The following NSD3 variants were observed in gnomAD, a reference collection of about 807,000 sequenced individuals.
The protein encoded by NSD3 is nuclear receptor binding SET domain protein 3, also known as histone-lysine N-methyltransferase NSD3.
A neutral mutation model predicts 160.8 loss-of-function variants in NSD3; 24 were observed. That is an observed-to-expected ratio of 0.15 (90% CI 0.11 to 0.21). The LOEUF (loss-of-function observed/expected upper bound fraction) is 0.21. NSD3 is among the 10% of genes least tolerant of loss of function. The probability of loss-of-function intolerance (pLI) is 1.00; values close to 1 mark genes in which losing one functional copy is unlikely to be tolerated. For synonymous variants in NSD3, 520 were observed against 600.0 expected, an observed-to-expected ratio of 0.87 and a Z score of 1.95; for missense variants, 1,157 against 1,735.9, an observed-to-expected ratio of 0.67 and a Z score of 5.93.
chr8:38,361,304 A>G (rs1347649927), intron 1 of NSD3, among the ~76,000 whole-genome samples: 1 of 140,040 alleles, frequency 7.1e-6, no homozygotes, highest in Non-Finnish European at 1.5e-5. Context: ...TAATTTTGCT[A>G]TTTTTAGCAC....
At chr8:38,300,806 C>A (rs1384651444) in intron 14 of NSD3, among the ~76,000 whole-genome samples, 1 of 152,118 alleles carries the variant, frequency 6.6e-6, no homozygotes, top group African/African-American at 2.4e-5. Flanking sequence ...ATACAAATTA[C>A]GGCAGCAGTT....
chr8:38,342,626 G>T (rs1810402569), intron 2 of NSD3, among the ~76,000 whole-genome samples: 1 of 151,710 alleles, frequency 6.6e-6, no homozygotes, highest in Non-Finnish European at 1.5e-5. Context: ...GGAGTACAGT[G>T]GCATGATCTC....
intron 2 of NSD3, among the ~76,000 whole-genome samples, chr8:38,339,888 T>C (rs966591858): frequency 4.6e-5 from 7 of 152,196 alleles, no homozygotes; most frequent in South Asian, 2.1e-4. Flanking sequence ...AGCAGAGGAA[T>C]GGTAACTACA....
Position 38,310,529 on chromosome 8 carries a change from G to C in NSD3, c.2242+4118C>G, listed in dbSNP as rs118145554. On this transcript the variant is annotated intron_variant, in intron 12 of 23. Transcript: ENST00000317025. ...TGTTGGAGTCCTTTTTTTTTTGAGA[G>C]AGAGTCTCACTCTGGTTGCCCAGGC... Among the ~76,000 whole-genome samples the C allele has an allele frequency of 5.7e-3, 858 of 151,188 alleles. 8 individuals are homozygous for C. Among genetic ancestry groups the C allele is most frequent in the Non-Finnish European group, 9.8e-3 (666 of 67,754 alleles).
chr8:38,292,049 TAAATC>T lies in NSD3; in HGVS notation c.2916-1377_2916-1373del, dbSNP rs200121338. Among the ~76,000 whole-genome samples the T allele has an allele frequency of 1.2e-3, 180 of 152,324 alleles. 1 individual carries two copies. The East Asian group carries it at 0.023, about 20-fold the overall frequency. ...TATAATTAAAATTTAAGTGTTAAAA[TAAATC>T]AAAGACATTTTTATATCCATAACTT... On this transcript the variant is annotated intron_variant, in intron 16 of 23. Coordinates refer to ENST00000317025, the MANE Select transcript of NSD3 (RefSeq NM_023034.2).
At chr8:38,355,331 CA>C (rs2150387700) in intron 1 of NSD3, among the ~76,000 whole-genome samples, 1 of 151,870 alleles carries the variant, frequency 6.6e-6, no homozygotes, top group South Asian at 2.1e-4. Context: ...CAGTGCCTGG[CA>C]TACAGTTAGA....
At chr8:38,334,963 T>C (rs942961984) in intron 4 of NSD3, among the ~76,000 whole-genome samples, 2 of 151,160 alleles carry the variant, frequency 1.3e-5, no homozygotes, top group African/African-American at 2.4e-5. Context: ...GGAAACTGCC[T>C]GGGGGTACCA....
At chr8:38,371,434 G>A (rs901936305) in intron 1 of NSD3, among the ~76,000 whole-genome samples, 10 of 152,216 alleles carry the variant, frequency 6.6e-5, no homozygotes, top group African/African-American at 2.2e-4. Flanking sequence ...CATACACAAA[G>A]CCACATTACC....
intron 12 of NSD3, among the ~76,000 whole-genome samples, chr8:38,313,673 A>C (rs1221445476): frequency 6.6e-6 from 1 of 151,972 alleles, no homozygotes; most frequent in African/African-American, 2.4e-5. Context: ...CTGTAGTCCC[A>C]GCTACTCGGG....
intron 1 of NSD3, among the ~76,000 whole-genome samples, chr8:38,375,042 C>A (rs1037597414): frequency 6.6e-6 from 1 of 151,982 alleles, no homozygotes; most frequent in African/African-American, 2.4e-5. Context: ...AATAATAATT[C>A]TTGTGCTTTC....
rs1809352292 is a variant in NSD3 at position 38,304,610 on chromosome 8, C to T, written c.2588G>A (p.Gly863Asp). Reference protein sequence around the residue: ...RSSNSSAVNVGFCFVCARGLI... With the variant: ...RSSNSSAVNVDFCFVCARGLI... ...ACCTCTGGCACAAACGAAACAAAAG[C>T]CTACATTTACAGCAGAAGAATTACT... Residue 863 changes from glycine to aspartate, a missense_variant, in exon 14 of 24, where the codon GGC (glycine) becomes GAC (aspartate). By Grantham distance (94) the Gly-to-Asp change is moderately conservative (BLOSUM62 -1). This residue lies in a region of NSD3 where 437 missense variants were observed against 576.6 expected (regional missense o/e 0.76). Transcript: ENST00000317025. The T allele has an allele frequency of 6.2e-7, 1 of 1,611,788 alleles. No homozygotes were observed. Among genetic ancestry groups the T allele is most frequent in the African/African-American group, 1.3e-5 (1 of 74,780 alleles).
rs1808550048 is a variant in NSD3 at position 38,274,338 on chromosome 8, A to G, written c.*1303T>C. 1 of 152,252 alleles carries G rather than the reference A, an allele frequency of 6.6e-6. No homozygotes were observed. The highest frequency in any genetic ancestry group is 2.1e-4 in the South Asian group (1 of 4,836). The allele number at this position is 152,252 out of a possible 1,614,324, so 9.4% of individuals were successfully genotyped here. On this transcript the variant is annotated 3_prime_UTR_variant, in exon 24 of 24. Coordinates refer to ENST00000317025, the MANE Select transcript of NSD3 (RefSeq NM_023034.2). ...CTATAAGAGTCAAGCATCACCATCAACCATTTTTGCTAACACTGACTTTCT... is the reference window on the plus strand; with the variant it reads ...CTATAAGAGTCAAGCATCACCATCAGCCATTTTTGCTAACACTGACTTTCT...
chr8:38,281,776 A>C (rs1808738999), intron 19 of NSD3, among the ~76,000 whole-genome samples, 193 bp from the exon 20 acceptor site: 1 of 152,234 alleles, frequency 6.6e-6, no homozygotes, highest in Non-Finnish European at 1.5e-5. Flanking sequence ...AGAAGGTGAC[A>C]ATCTGCTTGC....
chr8:38,372,495 CTTTT>C (rs565709775), intron 1 of NSD3, among the ~76,000 whole-genome samples: 2 of 132,704 alleles, frequency 1.5e-5, no homozygotes. Flanking sequence ...TCTTCAGGTT[CTTTT>C]TTTTTTTTTT....
chr8:38,284,717 A>G (rs1808818523), intron 19 of NSD3, among the ~76,000 whole-genome samples: 1 of 152,242 alleles, frequency 6.6e-6, no homozygotes, highest in African/African-American at 2.4e-5. Context: ...GGAAACTCAT[A>G]GAGGAGAATT....
intron 12 of NSD3, among the ~76,000 whole-genome samples, chr8:38,310,221 C>G (rs192658133): frequency 8.6e-4 from 131 of 152,282 alleles, no homozygotes; most frequent in Middle Eastern, 3.4e-3. Context: ...ACCCTGGTGA[C>G]TACTGTTCTA....
chr8:38,308,339 AAG>A (rs1246262229), intron 12 of NSD3, among the ~76,000 whole-genome samples: 1 of 152,176 alleles, frequency 6.6e-6, no homozygotes, highest in Non-Finnish European at 1.5e-5. Context: ...TGTAATTTCA[AAG>A]TACATTTTTT....
At chr8:38,314,401 T>C (rs937792686) in intron 12 of NSD3, among the ~76,000 whole-genome samples, 1 of 152,220 alleles carries the variant, frequency 6.6e-6, no homozygotes, top group African/African-American at 2.4e-5. Context: ...TATATAACTC[T>C]TTAGATAAAA....
rs777457641 is a variant in NSD3, at chr8:38,305,325, T to A, written c.2363A>T (p.Glu788Val). 5.0e-6 allele frequency: 8 copies of A among 1,614,050 alleles called. No individual in the cohort carries two copies. The highest frequency in any genetic ancestry group is 6.8e-6 in the Non-Finnish European group (8 of 1,180,038). The change falls in exon 13 of 24, where the codon GAA becomes GTA. Residue 788 changes from glutamate (E) to valine (V), a missense_variant. By Grantham distance (121) the Glu-to-Val change is moderately radical. Transcript: ENST00000317025. ...CVRKFPTAIF[E>V]SKGFRCPQHC... ...CTGAGGACAGCGGAATCCTTTTGAT[T>A]CAAAGATGGCAGTGGGGAATTTGCG...
Sources: allele counts gnomAD v4.1 joint callset (sites outside exome capture counted in the v4.1 genomes callset), GRCh38; gene constraint gnomAD v4.1.1; regional missense constraint gnomAD v4.1.1; transcripts MANE v1.5; gene names NCBI Gene and HGNC (gene_info 2026-07-23, HGNC 2026-07-21).